UST: variants seen among roughly 807,000 people sequenced by gnomAD.
UST encodes uronyl 2-sulfotransferase.
In UST, 21 loss-of-function variants were observed where a neutral mutation model predicts 45.6. That is an observed-to-expected ratio of 0.46 (90% confidence interval 0.33 to 0.66). The LOEUF is 0.66. Among genes scored for constraint, UST ranks in the 30% least tolerant of loss-of-function variants. The pLI, the probability that UST is intolerant of heterozygous loss-of-function variation, is 0.02. For synonymous variants in UST, 215 were observed against 200.6 expected (o/e 1.07, Z -0.61); for missense variants, 463 against 512.4 (o/e 0.90, Z 0.93).
intron 7 of UST, among the ~76,000 whole-genome samples, chr6:149,043,009 TTCTTTC>T (rs745719541): frequency 0.013 from 1,573 of 118,704 alleles, 18 homozygotes; most frequent in Middle Eastern, 0.018. Context: ...CTTTCTTTCT[TTCTTTC>T]TTTCTTTTTC....
In UST at chr6:148,901,548, C is replaced by T. The variant is rs1490073789; in HGVS notation, c.291+14519C>T. 3.4e-5 allele frequency among the ~76,000 whole-genome samples: 5 copies of T among 148,728 alleles called. No individual in the cohort carries two copies. In the East Asian group the frequency reaches 5.9e-4, roughly 17 times the overall value. Reference sequence around the variant, plus strand: ...TCAGCCCTTCAGCCCAGAAGTGACCCGTGTCACTTTTTTTTTTTTTTTTTT... The same window carrying T: ...TCAGCCCTTCAGCCCAGAAGTGACCTGTGTCACTTTTTTTTTTTTTTTTTT... On this transcript the variant is annotated intron_variant, in intron 2 of 7. Transcript: ENST00000367463.
At chr6:148,973,675 G>T (rs1363922423) in intron 5 of UST, among the ~76,000 whole-genome samples, 1 of 152,164 alleles carries the variant, frequency 6.6e-6, no homozygotes, top group Non-Finnish European at 1.5e-5. Flanking sequence ...TGCCTCTATA[G>T]TTGTCCTCAA....
At chr6:148,794,236 C>G (rs1465164508) in intron 1 of UST, among the ~76,000 whole-genome samples, 2 of 152,120 alleles carry the variant, frequency 1.3e-5, no homozygotes, top group East Asian at 3.9e-4. Context: ...GAGTCATTAC[C>G]TACATTTTTT....
intron 2 of UST, among the ~76,000 whole-genome samples, chr6:148,930,804 T>C (rs982142350): frequency 4.6e-5 from 7 of 152,232 alleles, no homozygotes; most frequent in Non-Finnish European, 1.0e-4. Context: ...TTATGGGTTA[T>C]GTTATATAAG....
intron 7 of UST, among the ~76,000 whole-genome samples, chr6:149,056,721 G>A (rs1776571433): frequency 6.6e-6 from 1 of 152,168 alleles, no homozygotes; most frequent in East Asian, 1.9e-4. Context: ...CTACCAGTGG[G>A]CTACAGGTTG....
chr6:148,804,286 G>A (rs962544621), intron 1 of UST, among the ~76,000 whole-genome samples: 18 of 152,156 alleles, frequency 1.2e-4, no homozygotes, highest in Non-Finnish European at 1.5e-5. Context: ...GGAGTTTACA[G>A]CTGATTGTGT....
chr6:148,986,863 T>C (rs771525281), intron 5 of UST, among the ~76,000 whole-genome samples: 1 of 152,256 alleles, frequency 6.6e-6, no homozygotes, highest in African/African-American at 2.4e-5. Flanking sequence ...GAGAGTGCAA[T>C]CACTTTATGC....
chr6:148,780,686 A>T (rs35222020), intron 1 of UST, among the ~76,000 whole-genome samples: 1 of 152,180 alleles, frequency 6.6e-6, no homozygotes, highest in Admixed American at 6.5e-5. Context: ...CCAGTCTGCC[A>T]TTGATGGGCA....
chr6:149,065,321 G>A (rs1433991146), intron 7 of UST, among the ~76,000 whole-genome samples: 5 of 152,160 alleles, frequency 3.3e-5, no homozygotes, highest in African/African-American at 9.7e-5. Flanking sequence ...GCTTTGTTTT[G>A]TTTGGATGGA....
intron 1 of UST, among the ~76,000 whole-genome samples, chr6:148,816,800 C>G (rs1339839220): frequency 6.6e-6 from 1 of 151,950 alleles, no homozygotes; most frequent in African/African-American, 2.4e-5. Flanking sequence ...TTTCAACAAA[C>G]AGCTGAATGT....
intron 1 of UST, among the ~76,000 whole-genome samples, chr6:148,817,267 C>T (rs1971683768): frequency 6.6e-6 from 1 of 152,190 alleles, no homozygotes; most frequent in South Asian, 2.1e-4. Flanking sequence ...CCAAATCTAG[C>T]CCTTCTTTTA....
intron 7 of UST, among the ~76,000 whole-genome samples, chr6:149,022,177 TTG>T (rs982040506): frequency 8.5e-5 from 13 of 152,244 alleles, no homozygotes; most frequent in Middle Eastern, 6.8e-3. Flanking sequence ...ACAAACAACG[TTG>T]TTTGTTTTTT....
At chr6:148,917,844 G>T (rs1046592086) in intron 2 of UST, among the ~76,000 whole-genome samples, 11 of 152,202 alleles carry the variant, frequency 7.2e-5, no homozygotes, top group African/African-American at 2.7e-4. Context: ...AGGGCCTAAG[G>T]TTGCCCTCAG....
chr6:149,036,077 T>C (rs1582970193), intron 7 of UST, among the ~76,000 whole-genome samples: 1 of 152,288 alleles, frequency 6.6e-6, no homozygotes, highest in East Asian at 1.9e-4. Context: ...GTGCTGGGAT[T>C]TTAGCCCATA....
chr6:149,044,291 C>A (rs12200909), intron 7 of UST, among the ~76,000 whole-genome samples: 47,449 of 151,958 alleles, frequency 0.31, 7,810 homozygotes, highest in Non-Finnish European at 0.36. Context: ...TTAGCATATT[C>A]TTTTAAAATG....
rs532414842 is a variant in UST, at chr6:148,886,294, G to A, written c.248-692G>A. Among the ~76,000 whole-genome samples the A allele has an allele frequency of 2.6e-5, 4 of 152,280 alleles. No homozygotes were observed. In the South Asian group the frequency reaches 8.3e-4, roughly 32 times the overall value. ...AGGGGACACTTCTAATCCATCTCTG[G>A]TATTTGCATTAAATAGATAAATACC... On this transcript the variant is annotated intron_variant, in intron 1 of 7. Coordinates refer to ENST00000367463, the MANE Select transcript of UST (RefSeq NM_005715.3).
chr6:148,797,310 C>T (rs897892179), intron 1 of UST, among the ~76,000 whole-genome samples: 1 of 152,084 alleles, frequency 6.6e-6, no homozygotes, highest in Non-Finnish European at 1.5e-5. Context: ...AACAAACAAG[C>T]AAACAAACAA....
At chr6:149,035,882 T>A (rs1204358649) in intron 7 of UST, among the ~76,000 whole-genome samples, 3 of 152,030 alleles carry the variant, frequency 2.0e-5, no homozygotes, top group Non-Finnish European at 1.5e-5. Flanking sequence ...GCTGGAAAAA[T>A]ATTTGTTAGT....
At chr6:148,839,531 T>C (rs989677038) in intron 1 of UST, among the ~76,000 whole-genome samples, 6 of 152,178 alleles carry the variant, frequency 3.9e-5, no homozygotes, top group Non-Finnish European at 7.4e-5. Context: ...TTTGACATGA[T>C]TTCATAGGGC....
Sources: gnomAD v4.1 joint callset for allele counts (sites outside exome capture counted in the v4.1 genomes callset) on GRCh38, gnomAD v4.1.1 for gene constraint, MANE v1.5 for transcripts, NCBI Gene and HGNC (gene_info 2026-07-23, HGNC 2026-07-21) for gene names.